The following ELAPOR2 variants were observed in gnomAD, a reference collection of about 807,000 sequenced individuals.
ELAPOR2 encodes endosome/lysosome-associated apoptosis and autophagy regulator family member 2.
Under a neutral mutation model 120.7 loss-of-function variants are expected in ELAPOR2, and 89 were observed. That is an observed-to-expected ratio of 0.74 (90% confidence interval 0.62 to 0.88). The LOEUF is 0.88. ELAPOR2 is among the 40% of genes least tolerant of loss of function. The pLI is 0.00. For missense variants in ELAPOR2, 1,134 were observed against 1,251.6 expected, an observed-to-expected ratio of 0.91 and a Z score of 1.42; for synonymous variants, 444 against 444.9, an observed-to-expected ratio of 1.00 and a Z score of 0.03.
chr7:86,924,182 C>T (rs986695937), intron 10 of ELAPOR2, among the ~76,000 whole-genome samples: 1 of 152,026 alleles, frequency 6.6e-6, no homozygotes, highest in African/African-American at 2.4e-5. Flanking sequence ...CAATGCCACA[C>T]ACTAATACTG....
At chr7:86,907,099 T>C (rs1181609828) in intron 18 of ELAPOR2, among the ~76,000 whole-genome samples, 3 of 152,126 alleles carry the variant, frequency 2.0e-5, no homozygotes, top group Non-Finnish European at 4.4e-5. Flanking sequence ...AGAGGGCTAT[T>C]GCCTTAATGC....
intron 20 of ELAPOR2, among the ~76,000 whole-genome samples, chr7:86,892,690 T>A (rs1234797560): frequency 6.6e-6 from 1 of 152,076 alleles, no homozygotes; most frequent in Non-Finnish European, 1.5e-5. Flanking sequence ...CCTTGTTTTC[T>A]AATAAATGAC....
intron 1 of ELAPOR2, among the ~76,000 whole-genome samples, chr7:87,007,693 A>T (rs2116652348): frequency 6.6e-6 from 1 of 152,346 alleles, no homozygotes; most frequent in Admixed American, 6.5e-5. Context: ...GTATATGATA[A>T]GCCTAGAACG....
intron 21 of ELAPOR2, among the ~76,000 whole-genome samples, chr7:86,888,773 T>C (rs1469232948): frequency 6.6e-6 from 1 of 152,056 alleles, no homozygotes; most frequent in African/African-American, 2.4e-5. Flanking sequence ...GAGACATCAT[T>C]ATATGAGGTG....
rs369190996 is a variant in ELAPOR2, at chr7:87,037,175, T to C, written c.189+22150A>G. Among the ~76,000 whole-genome samples the C allele has an allele frequency of 1.9e-3, 289 of 152,162 alleles. 2 individuals carry two copies. The highest frequency in any genetic ancestry group is 6.6e-3 in the African/African-American group (275 of 41,516). On this transcript the variant is annotated intron_variant, in intron 1 of 21. Transcript: ENST00000450689. ...GTGCTCTTGCTATATGCTCAGAGCCTAAGTGACCTCATCAACATCAATGGC... is the reference window on the plus strand; with the variant it reads ...GTGCTCTTGCTATATGCTCAGAGCCCAAGTGACCTCATCAACATCAATGGC...
chr7:86,969,702 A>C (rs866062900), intron 1 of ELAPOR2, among the ~76,000 whole-genome samples: 3 of 152,344 alleles, frequency 2.0e-5, no homozygotes, highest in Middle Eastern at 6.8e-3. Context: ...TCAGTGCCCA[A>C]GTAAAAACTC....
At chr7:86,982,357 T>A (rs750885062) in intron 1 of ELAPOR2, among the ~76,000 whole-genome samples, 17 of 152,220 alleles carry the variant, frequency 1.1e-4, no homozygotes, top group Non-Finnish European at 2.4e-4. Context: ...GACTGCCTCC[T>A]CAAGTGGGTC....
At chr7:86,974,742 T>C (rs1473082927) in intron 1 of ELAPOR2, among the ~76,000 whole-genome samples, 1 of 152,134 alleles carries the variant, frequency 6.6e-6, no homozygotes, top group Non-Finnish European at 1.5e-5. Flanking sequence ...AGTTAAAATA[T>C]ATTTATTTCC....
In ELAPOR2 at chr7:86,938,847, T is replaced by C; in HGVS notation, c.961A>G (p.Lys321Glu). The part of the protein sequence containing the change: ...PRNTYSEKGA[K>E]ECIRCKDDSQ... ...TCGTCTTTACACCTTATACATTCTT[T>C]GGCTCCTTTCTCAGAATAGGTGTTT... Residue 321 changes from lysine (K) to glutamate (E), a missense_variant, in exon 7 of 22, where the codon AAA (lysine) becomes GAA (glutamate). By Grantham distance (56) the Lys-to-Glu change is moderately conservative (BLOSUM62 1). This residue lies in a region of ELAPOR2 where 831 missense variants were observed against 867.6 expected (regional missense o/e 0.96). Transcript: ENST00000450689. 2 of 1,613,364 alleles carry C rather than the reference T, an allele frequency of 1.2e-6. No individual in the cohort carries two copies. Among genetic ancestry groups the C allele is most frequent in the Non-Finnish European group, 1.7e-6 (2 of 1,179,454 alleles).
chr7:86,993,692 T>C (rs1484301244), intron 1 of ELAPOR2, among the ~76,000 whole-genome samples: 1 of 152,222 alleles, frequency 6.6e-6, no homozygotes, highest in Non-Finnish European at 1.5e-5. Context: ...TTGAAACTGT[T>C]AATGTCCAAA....
chr7:87,040,484 G>T lies in ELAPOR2; in HGVS notation c.189+18841C>A, dbSNP rs1794746344. Reference sequence around the variant, plus strand: ...GACCCCCGAGCAACCTAACTGGGAGGCACCCCCCAGCAGGGGCACACTGAC... The same window carrying T: ...GACCCCCGAGCAACCTAACTGGGAGTCACCCCCCAGCAGGGGCACACTGAC... On this transcript the variant is annotated intron_variant, in intron 1 of 21. Transcript: ENST00000450689. 3.3e-5 allele frequency among the ~76,000 whole-genome samples: 5 copies of T among 152,320 alleles called. No homozygotes were observed. In the South Asian group the frequency reaches 1.0e-3, roughly 32 times the overall value.
At chr7:87,057,603 G>A (rs924292019) in intron 1 of ELAPOR2, among the ~76,000 whole-genome samples, 5 of 152,184 alleles carry the variant, frequency 3.3e-5, no homozygotes, top group Non-Finnish European at 7.4e-5. Flanking sequence ...AGCCAATGCA[G>A]TAAGGACCTG....
chr7:87,023,432 T>G (rs982174909), intron 1 of ELAPOR2, among the ~76,000 whole-genome samples: 5 of 152,198 alleles, frequency 3.3e-5, no homozygotes, highest in Admixed American at 2.0e-4. Context: ...ATATCTCTGT[T>G]TTGGTACCAG....
intron 8 of ELAPOR2, among the ~76,000 whole-genome samples, chr7:86,931,731 T>G (rs75968524): frequency 0.024 from 3,630 of 151,906 alleles, 133 homozygotes; most frequent in African/African-American, 0.083. Flanking sequence ...AATCTGGTAA[T>G]GGAAATGATT....
At chr7:86,911,953 C>T in intron 15 of ELAPOR2, 119 bp downstream of exon 15, 5 of 1,069,010 alleles carry the variant, frequency 4.7e-6, no homozygotes, top group Non-Finnish European at 6.8e-6. Flanking sequence ...GCAATCAAAC[C>T]TCAGTTTCTG....
At chr7:86,884,980 AAC>A (rs1799618975) in intron 21 of ELAPOR2, among the ~76,000 whole-genome samples, 1 of 152,180 alleles carries the variant, frequency 6.6e-6, no homozygotes, top group Non-Finnish European at 1.5e-5. Flanking sequence ...CCCATAGGAA[AAC>A]TTAGTGAAGC....
At chr7:86,980,301 C>T (rs1322775486) in intron 1 of ELAPOR2, among the ~76,000 whole-genome samples, 2 of 152,192 alleles carry the variant, frequency 1.3e-5, no homozygotes, top group Non-Finnish European at 2.9e-5. Flanking sequence ...AAGCCAAGTG[C>T]CAAAAATAGC....
At chr7:87,037,809 T>C (rs911620579) in intron 1 of ELAPOR2, among the ~76,000 whole-genome samples, 2 of 152,212 alleles carry the variant, frequency 1.3e-5, no homozygotes, top group Non-Finnish European at 2.9e-5. Context: ...TACATGTTAT[T>C]TTCTTTGACT....
chr7:86,952,133 A>G (rs904283541), intron 2 of ELAPOR2, among the ~76,000 whole-genome samples: 1 of 152,144 alleles, frequency 6.6e-6, no homozygotes, highest in Non-Finnish European at 1.5e-5. Flanking sequence ...ATATCTCACC[A>G]CTCTGCATAT....
Sources: allele counts gnomAD v4.1 joint callset (sites outside exome capture counted in the v4.1 genomes callset), GRCh38; gene constraint gnomAD v4.1.1; regional missense constraint gnomAD v4.1.1; transcripts MANE v1.5; gene names NCBI Gene and HGNC (gene_info 2026-07-23, HGNC 2026-07-21).